Variants in ADGRL2 observed in about 807,000 individuals in gnomAD.
ADGRL2 encodes the protein calcium-independent alpha-latrotoxin receptor 2.
In ADGRL2, 44 loss-of-function variants were observed where a neutral mutation model predicts 157.4. That is an observed-to-expected ratio of 0.28 (90% CI 0.22 to 0.36). The LOEUF is 0.36. Ranked by LOEUF, ADGRL2 falls within the 10% of genes least tolerant of loss-of-function variation. The pLI is 1.00. For missense variants in ADGRL2, 1,510 were observed against 1,768.9 expected, an observed-to-expected ratio of 0.85 and a Z score of 2.63; for synonymous variants, 585 against 624.7, an observed-to-expected ratio of 0.94 and a Z score of 0.95.
At chr1:81,811,873 T>A (rs2089906608) in intron 1 of ADGRL2, among the ~76,000 whole-genome samples, 1 of 142,834 alleles carries the variant, frequency 7.0e-6, no homozygotes, top group African/African-American at 2.5e-5. Context: ...GCCGGGCAGC[T>A]TTTTTTTTTT....
chr1:81,404,187 G>A (rs1439102141), intron 1 of ADGRL2, among the ~76,000 whole-genome samples: 1 of 152,086 alleles, frequency 6.6e-6, no homozygotes, highest in African/African-American at 2.4e-5. Context: ...CTGTAACACC[G>A]GAATCAGATA....
At chr1:81,721,613 T>C in intron 1 of ADGRL2, 1 of 605,642 alleles carries the variant, frequency 1.7e-6, no homozygotes, top group African/African-American at 1.9e-5. Flanking sequence ...CAAAAATTGC[T>C]TCTGTGCGGT....
chr1:81,744,596 G>A (rs1043976848), intron 1 of ADGRL2, among the ~76,000 whole-genome samples: 1 of 152,174 alleles, frequency 6.6e-6, no homozygotes, highest in African/African-American at 2.4e-5. Flanking sequence ...GGCAGCACAT[G>A]ATGAGAAGCT....
chr1:81,747,791 A>G (rs550534571), intron 1 of ADGRL2, among the ~76,000 whole-genome samples: 2 of 152,126 alleles, frequency 1.3e-5, no homozygotes, highest in South Asian at 4.1e-4. Flanking sequence ...GTAGAAACAC[A>G]TAAGACTGGT....
intron 1 of ADGRL2, among the ~76,000 whole-genome samples, chr1:81,439,604 G>T (rs10430059): frequency 0.013 from 1,935 of 152,338 alleles, 31 homozygotes; most frequent in East Asian, 0.041. Flanking sequence ...TCTGTGCGGG[G>T]CCCATGGCCA....
At chr1:81,650,828 T>C (rs2082406011) in intron 3 of ADGRL2, among the ~76,000 whole-genome samples, 1 of 152,192 alleles carries the variant, frequency 6.6e-6, no homozygotes, top group Non-Finnish European at 1.5e-5. Flanking sequence ...TTGTACCCCA[T>C]CTTCCAGACA....
At chr1:81,800,404 C>T (rs1252317981), upstream of ADGRL2, 1 of 152,116 alleles carries the variant, frequency 6.6e-6, no homozygotes, top group Admixed American at 6.5e-5. Flanking sequence ...CCGCGGCGAA[C>T]AGACGTTCTT....
At chr1:81,464,931 G>GA (rs1258518173) in intron 2 of ADGRL2, among the ~76,000 whole-genome samples, 1 of 57,444 alleles carries the variant, frequency 1.7e-5, no homozygotes, top group Admixed American at 2.0e-4. Flanking sequence ...AGCCACCAGG[G>GA]AGAAAAAAAA....
intron 1 of ADGRL2, among the ~76,000 whole-genome samples, chr1:81,316,583 G>A (rs1167374302): frequency 6.6e-6 from 1 of 152,082 alleles, no homozygotes; most frequent in Non-Finnish European, 1.5e-5. Context: ...CCCCCTTTAA[G>A]GAGACTCTTG....
intron 22 of ADGRL2, chr1:81,987,447 A>G (rs1272097392): frequency 2.5e-6 from 2 of 785,840 alleles, no homozygotes; most frequent in Non-Finnish European, 4.7e-6. Flanking sequence ...GCCTAGCTAT[A>G]GAAAACCACA....
chr1:81,945,816 G>T (rs1171324656), intron 6 of ADGRL2, among the ~76,000 whole-genome samples: 5 of 152,004 alleles, frequency 3.3e-5, no homozygotes, highest in Admixed American at 6.6e-5. Flanking sequence ...CCTTAGTGAT[G>T]AAAAGTATTA....
intron 1 of ADGRL2, among the ~76,000 whole-genome samples, chr1:81,714,696 T>C (rs186799889): frequency 2.2e-3 from 335 of 152,314 alleles, no homozygotes; most frequent in Middle Eastern, 0.014. Context: ...TATTATAACT[T>C]ACTGATCAAG....
chr1:81,834,411 A>G lies in ADGRL2; in HGVS notation c.-100-2474A>G, dbSNP rs145105803. ...GAAGGACAAATGTTAGCTGTTATCT[A>G]TGCCAGTGGTTTGGCTCCAATATGA... On this transcript the variant is annotated intron_variant, in intron 1 of 23. Coordinates refer to ENST00000686636, the MANE Select transcript of ADGRL2 (RefSeq NM_001366006.2). Among the ~76,000 whole-genome samples the G allele has an allele frequency of 3.4e-3, 513 of 152,276 alleles. 3 individuals carry two copies. Among genetic ancestry groups the G allele is most frequent in the Non-Finnish European group, 6.0e-3 (406 of 68,004 alleles).
chr1:81,394,769 T>A (rs2076624603), intron 1 of ADGRL2, among the ~76,000 whole-genome samples: 1 of 152,180 alleles, frequency 6.6e-6, no homozygotes, highest in Non-Finnish European at 1.5e-5. Context: ...TAGTTGAATT[T>A]TTTTCAGGAA....
At chr1:81,371,851 T>C (rs1221726331) in intron 1 of ADGRL2, among the ~76,000 whole-genome samples, 1 of 152,180 alleles carries the variant, frequency 6.6e-6, no homozygotes, top group Non-Finnish European at 1.5e-5. Flanking sequence ...ATTATGATAA[T>C]TGCTGGGAAT....
chr1:81,315,450 A>G (rs1411334840), intron 1 of ADGRL2, among the ~76,000 whole-genome samples: 1 of 152,196 alleles, frequency 6.6e-6, no homozygotes, highest in South Asian at 2.1e-4. Context: ...TTATAATGTC[A>G]TTTGGTTTAG....
intron 7 of ADGRL2, 66 bp downstream of exon 7, chr1:81,950,548 A>G: frequency 7.2e-7 from 1 of 1,392,426 alleles, no homozygotes; most frequent in Non-Finnish European, 9.8e-7. Flanking sequence ...ATTACAGTGA[A>G]GTGATTTTAT....
intron 18 of ADGRL2, chr1:81,980,950 T>A: frequency 2.0e-6 from 1 of 506,192 alleles, no homozygotes; most frequent in Non-Finnish European, 3.7e-6. Context: ...AATATCTAAT[T>A]TGCTATAGTA....
intron 3 of ADGRL2, among the ~76,000 whole-genome samples, chr1:81,912,153 C>T (rs977720822): frequency 6.6e-6 from 1 of 151,944 alleles, no homozygotes; most frequent in African/African-American, 2.4e-5. Flanking sequence ...CTCACTGGAG[C>T]CTCTGCCTCC....
Sources: allele counts gnomAD v4.1 joint callset (sites outside exome capture counted in the v4.1 genomes callset), GRCh38; gene constraint gnomAD v4.1.1; transcripts MANE v1.5; gene names NCBI Gene and HGNC (gene_info 2026-07-23, HGNC 2026-07-21).